PCDHGB1: variants seen among roughly 807,000 people sequenced by gnomAD.
PCDHGB1 encodes protocadherin gamma-B1.
PCDHGB1 carries 34 observed loss-of-function variants against 56.6 expected under a neutral mutation model. That is an observed-to-expected ratio of 0.60 (90% CI 0.46 to 0.80). PCDHGB1 has a LOEUF of 0.80. Among genes scored for constraint, PCDHGB1 ranks in the 30% least tolerant of loss-of-function variants. The pLI, the probability that PCDHGB1 is intolerant of heterozygous loss-of-function variation, is 0.00. For synonymous variants in PCDHGB1, 561 were observed against 505.9 expected (o/e 1.11, Z -1.46); for missense variants, 1,278 against 1,204.6 (o/e 1.06, Z -0.90).
At chr5:141,413,234 T>C (rs2095618811) in intron 1 of PCDHGB1, 2 of 1,613,838 alleles carry the variant, frequency 1.2e-6, no homozygotes, top group Non-Finnish European at 1.7e-6. Context: ...CTGGTCCTGC[T>C]CTGCCTTTTC....
In PCDHGB1 at chr5:141,399,908, C is replaced by T. The variant is rs141997055; in HGVS notation, c.2409+47239C>T. 17,269 of 1,612,412 alleles carry T rather than the reference C, an allele frequency of 0.011. 105 individuals are homozygous for T. Among genetic ancestry groups the T allele is most frequent in the Non-Finnish European group, 0.012 (14,309 of 1,179,754 alleles). On this transcript the variant is annotated intron_variant, in intron 1 of 3. Transcript: ENST00000523390. ...AAGGTAGTGGCCGTGGACGCAGACT[C>T]AGGACACAACGCCTGGCTGTCCTAC... is the stretch of plus-strand genomic sequence containing the variant.
In PCDHGB1 at chr5:141,477,681, T is replaced by G; in HGVS notation, c.2410-17126T>G. On this transcript the variant is annotated intron_variant, in intron 1 of 3. Transcript: ENST00000523390. This position sits in a 1 kb window ranked among gnomAD's most constrained non-coding sequence, Gnocchi z 4.9. ...CGTGACAATGGCATAGTGTCATCCT[T>G]AGTGCCCCTAGACTATGAGGATCGG... 1 of 1,614,180 alleles carries G rather than the reference T, an allele frequency of 6.2e-7. No individual in the cohort carries two copies. Among genetic ancestry groups the G allele is most frequent in the Non-Finnish European group, 8.5e-7 (1 of 1,180,046 alleles).
At chr5:141,419,116 C>A in intron 1 of PCDHGB1, 2 of 1,613,888 alleles carry the variant, frequency 1.2e-6, no homozygotes. Context: ...CAGAGTACAA[C>A]GTCACCATCG....
At chr5:141,369,130 A>G (rs1214670751) in intron 1 of PCDHGB1, among the ~76,000 whole-genome samples, 1 of 152,246 alleles carries the variant, frequency 6.6e-6, no homozygotes, top group Non-Finnish European at 1.5e-5. Context: ...CCTGTCAGAA[A>G]CATGGAAAAT....
At chr5:141,425,695 T>G (rs1329762653) in intron 1 of PCDHGB1, among the ~76,000 whole-genome samples, 1 of 152,232 alleles carries the variant, frequency 6.6e-6, no homozygotes, top group African/African-American at 2.4e-5. Context: ...TATCATTTCA[T>G]AGTGGTCAAA....
chr5:141,426,794 G>C (rs1319220934), intron 1 of PCDHGB1: 1 of 456,708 alleles, frequency 2.2e-6, no homozygotes, highest in East Asian at 6.9e-5. Flanking sequence ...AGAGTTACCA[G>C]CTCAGTTCTA....
chr5:141,383,564 G>T (rs767546411), intron 1 of PCDHGB1: 1 of 1,613,046 alleles, frequency 6.2e-7, no homozygotes, highest in South Asian at 1.1e-5. Flanking sequence ...GACCCGCCCC[G>T]ATCCAGCACC....
intron 1 of PCDHGB1, among the ~76,000 whole-genome samples, chr5:141,473,719 T>C (rs998018115): frequency 6.6e-6 from 1 of 152,124 alleles, no homozygotes; most frequent in African/African-American, 2.4e-5. Context: ...CAATGGAATA[T>C]AGTGAGAGAG....
At chr5:141,457,280 A>G (rs964027392) in intron 1 of PCDHGB1, among the ~76,000 whole-genome samples, 2 of 152,196 alleles carry the variant, frequency 1.3e-5, no homozygotes, top group Admixed American at 1.3e-4. Context: ...TGGGCCTACG[A>G]AGTTCCTTGG....
chr5:141,410,837 TTTTGTC>T, intron 1 of PCDHGB1: 3 of 501,732 alleles, frequency 6.0e-6, no homozygotes. Context: ...ACTGAAGATA[TTTTGTC>T]TTTGTCTTTT....
In PCDHGB1 at chr5:141,431,183, A is replaced by G. The variant is rs1467232519; in HGVS notation, c.2410-63624A>G. Reference sequence around the variant, plus strand: ...TCGTGAAAGTGAATTAGAAATAAAAATTAGTGAAAATGCAGCCACTGAGAT... The same window carrying G: ...TCGTGAAAGTGAATTAGAAATAAAAGTTAGTGAAAATGCAGCCACTGAGAT... On this transcript the variant is annotated intron_variant, in intron 1 of 3. Transcript: ENST00000523390. The surrounding 1 kb of genome is among the most constrained non-coding windows in gnomAD (Gnocchi z 4.8). 1 of 1,614,218 alleles carries G rather than the reference A, an allele frequency of 6.2e-7. No individual in the cohort carries two copies. The highest frequency in any genetic ancestry group is 2.2e-5 in the East Asian group (1 of 44,880).
intron 1 of PCDHGB1, chr5:141,422,399 T>A: frequency 1.3e-6 from 2 of 1,598,374 alleles, no homozygotes; most frequent in Non-Finnish European, 1.7e-6. Context: ...CCTAACCACC[T>A]GCCTTTTAAA....
chr5:141,378,520 C>T (rs930266884), intron 1 of PCDHGB1: 4 of 151,996 alleles, frequency 2.6e-5, no homozygotes, highest in Non-Finnish European at 5.9e-5. Flanking sequence ...GAGACTCTGT[C>T]TCAAAAAATA....
chr5:141,432,600 C>T lies in PCDHGB1; in HGVS notation c.2410-62207C>T, dbSNP rs901310090. The T allele has an allele frequency of 1.9e-6, 3 of 1,613,832 alleles. No individual in the cohort carries two copies. The East Asian group carries it at 6.7e-5, about 36-fold the overall frequency. ...TACCGTCTGCTCAAGGCCAGCGAGCCGGGACTCTTCTCGGTGGGTCTGCAC... is the reference window on the plus strand; with the variant it reads ...TACCGTCTGCTCAAGGCCAGCGAGCTGGGACTCTTCTCGGTGGGTCTGCAC... On this transcript the variant is annotated intron_variant, in intron 1 of 3. Transcript: ENST00000523390. The surrounding 1 kb of genome is among the most constrained non-coding windows in gnomAD (Gnocchi z 6.0).
At chr5:141,435,994 G>T (rs1007093302) in intron 1 of PCDHGB1, among the ~76,000 whole-genome samples, 18 of 152,046 alleles carry the variant, frequency 1.2e-4, no homozygotes, top group Admixed American at 1.2e-3. Context: ...GTGATTTTTT[G>T]AAAGAAAGTA....
intron 1 of PCDHGB1, chr5:141,376,115 C>A: frequency 1.2e-6 from 2 of 1,613,870 alleles, no homozygotes; most frequent in Non-Finnish European, 8.5e-7. Flanking sequence ...CCTGGGCAGC[C>A]TCGAGCCCTC....
intron 1 of PCDHGB1, chr5:141,376,904 G>A (rs1773512555): frequency 5.3e-6 from 1 of 188,504 alleles, no homozygotes; most frequent in African/African-American, 2.4e-5. Context: ...AGCCAGGATG[G>A]TCTCGATCTC....
In PCDHGB1 at chr5:141,352,202, C is replaced by T; in HGVS notation, c.1942C>T (p.Pro648Ser). The T allele has an allele frequency of 6.2e-7, 1 of 1,613,996 alleles. No homozygotes were observed. Among genetic ancestry groups the T allele is most frequent in the Non-Finnish European group, 8.5e-7 (1 of 1,179,906 alleles). Residue 648 changes from proline to serine, a missense_variant, in exon 1 of 4, where the codon CCG becomes TCG. Transcript: ENST00000523390. ...GGTCGCTGTGCGTGATGGAGGACAG[C>T]CGCCACTCTCCGCCACCGCCACGCT... ...LLVAVRDGGQ[P>S]PLSATATLHL...
At chr5:141,401,102 G>C (rs1372226488) in intron 1 of PCDHGB1, among the ~76,000 whole-genome samples, 3 of 152,150 alleles carry the variant, frequency 2.0e-5, no homozygotes, top group Non-Finnish European at 4.4e-5. Context: ...CCAGCACTTT[G>C]GGAGGCCGAG....
Sources: gnomAD v4.1 joint callset for allele counts (sites outside exome capture counted in the v4.1 genomes callset) on GRCh38, gnomAD v4.1.1 for gene constraint, Gnocchi (gnomAD v3.1) non-coding constraint, MANE v1.5 for transcripts, NCBI Gene and HGNC (gene_info 2026-07-23, HGNC 2026-07-21) for gene names.